ZFAND6: variants seen among roughly 807,000 people sequenced by gnomAD.
ZFAND6 encodes the protein zinc finger AN1-type containing 6.
In ZFAND6, 12 loss-of-function variants were observed where a neutral mutation model predicts 24.5. That is an observed-to-expected ratio of 0.49 (90% confidence interval 0.31 to 0.79). The LOEUF (loss-of-function observed/expected upper bound fraction) is 0.79, where lower values mean the gene tolerates loss of function less well. ZFAND6 is among the 30% of genes least tolerant of loss of function. The probability of loss-of-function intolerance (pLI) is 0.04; values close to 1 mark genes in which losing one functional copy is unlikely to be tolerated. For missense variants in ZFAND6, 207 were observed against 245.9 expected, an observed-to-expected ratio of 0.84 and a Z score of 1.06; for synonymous variants, 92 against 81.5, an observed-to-expected ratio of 1.13 and a Z score of -0.69.
At chr15:80,127,589 CAAAAAAAAA>C (rs55872915) in intron 5 of ZFAND6, among the ~76,000 whole-genome samples, 3 of 120,074 alleles carry the variant, frequency 2.5e-5, no homozygotes, top group African/African-American at 1.1e-4. Flanking sequence ...AACTCCATCT[CAAAAAAAAA>C]AAAAAAAAAA....
intron 1 of ZFAND6, chr15:80,075,119 G>A (rs1455182401): frequency 6.5e-6 from 1 of 152,998 alleles, no homozygotes; most frequent in African/African-American, 2.4e-5. Flanking sequence ...TCAGAGGGAA[G>A]TTTTTTTTGT....
chr15:80,067,420 G>A (rs1271089066), intron 1 of ZFAND6, among the ~76,000 whole-genome samples: 1 of 152,078 alleles, frequency 6.6e-6, no homozygotes, highest in Non-Finnish European at 1.5e-5. Flanking sequence ...CACAAAATAG[G>A]TTAGGTCTTT....
intron 1 of ZFAND6, among the ~76,000 whole-genome samples, chr15:80,090,846 AT>A (rs1440232948): frequency 1.3e-5 from 2 of 152,164 alleles, no homozygotes; most frequent in East Asian, 3.8e-4. Flanking sequence ...GTTTTCAAAT[AT>A]TTTTTATTGG....
At chr15:80,122,428 A>G (rs778407224) in intron 4 of ZFAND6, among the ~76,000 whole-genome samples, 1 of 151,096 alleles carries the variant, frequency 6.6e-6, no homozygotes, top group Non-Finnish European at 1.5e-5. Context: ...GCATGTCTTT[A>G]TCATGCTAGT....
chr15:80,135,461 C>G (rs1260347475), intron 6 of ZFAND6, among the ~76,000 whole-genome samples: 1 of 152,186 alleles, frequency 6.6e-6, no homozygotes, highest in Non-Finnish European at 1.5e-5. Flanking sequence ...GTAGTTGCAG[C>G]TATAGATAGT....
chr15:80,087,174 A>G (rs1011850824), intron 1 of ZFAND6, among the ~76,000 whole-genome samples: 2 of 152,190 alleles, frequency 1.3e-5, no homozygotes, highest in African/African-American at 4.8e-5. Flanking sequence ...GTAGAAACCT[A>G]GGAGTGGAAT....
At chr15:80,102,254 C>T (rs191314845) in intron 2 of ZFAND6, among the ~76,000 whole-genome samples, 252 of 152,132 alleles carry the variant, frequency 1.7e-3, no homozygotes, top group African/African-American at 2.5e-3. Flanking sequence ...GGATTACAGA[C>T]GTGTGCCACC....
chr15:80,131,102 T>C (rs1468988932), intron 5 of ZFAND6, 78 bp from the exon 6 acceptor site: 4 of 1,081,544 alleles, frequency 3.7e-6, no homozygotes, highest in Non-Finnish European at 5.3e-6. Flanking sequence ...CTCTGAATAA[T>C]AGACTAGGGA....
At chr15:80,102,437 G>A (rs935999498) in intron 2 of ZFAND6, among the ~76,000 whole-genome samples, 1 of 152,150 alleles carries the variant, frequency 6.6e-6, no homozygotes, top group Non-Finnish European at 1.5e-5. Context: ...TTGAATAAAG[G>A]TATTGACAGT....
chr15:80,109,675 C>G (rs1361069917), intron 2 of ZFAND6, among the ~76,000 whole-genome samples: 1 of 152,148 alleles, frequency 6.6e-6, no homozygotes, highest in Non-Finnish European at 1.5e-5. Context: ...TGGGAAGCCA[C>G]TGGAAGATTT....
chr15:80,130,521 A>G (rs2040552218), intron 5 of ZFAND6: 1 of 152,216 alleles, frequency 6.6e-6, no homozygotes, highest in Admixed American at 6.5e-5. Flanking sequence ...CATGAGGGCT[A>G]GAGTAGTTAG....
intron 1 of ZFAND6, among the ~76,000 whole-genome samples, chr15:80,093,305 A>G (rs2038504166): frequency 6.6e-6 from 1 of 152,090 alleles, no homozygotes; most frequent in Non-Finnish European, 1.5e-5. Flanking sequence ...TTTGTCTAGA[A>G]AAGGAACTCT....
intron 2 of ZFAND6, among the ~76,000 whole-genome samples, chr15:80,106,520 C>G (rs1324782888): frequency 6.6e-6 from 1 of 151,302 alleles, no homozygotes; most frequent in African/African-American, 2.4e-5. Context: ...TTTGCCAGCC[C>G]TAATCTAGAG....
In ZFAND6 at chr15:80,098,464, T is replaced by G. The variant is rs1248363534; in HGVS notation, c.-132T>G. The G allele has an allele frequency of 6.6e-6, 1 of 152,182 alleles. No homozygotes were observed. The highest frequency in any genetic ancestry group is 1.5e-5 in the Non-Finnish European group (1 of 68,020). The allele number at this position is 152,182 out of a possible 1,614,324, so 9.4% of individuals were successfully genotyped here. A position where few individuals can be genotyped will look rare whatever the true frequency, so the allele number is the denominator to read the frequency against. On this transcript the variant is annotated 5_prime_UTR_variant, in exon 2 of 7. Coordinates refer to ENST00000261749, the MANE Select transcript of ZFAND6 (RefSeq NM_019006.4). Reference sequence around the variant, plus strand: ...GTAAAACACAGAAGGCTTTAAAATGTTTTCTTGCATAAAATTCAAAACTTT... The same window carrying G: ...GTAAAACACAGAAGGCTTTAAAATGGTTTCTTGCATAAAATTCAAAACTTT...
intron 1 of ZFAND6, among the ~76,000 whole-genome samples, chr15:80,066,308 C>T (rs2036628539): frequency 6.7e-6 from 1 of 150,026 alleles, no homozygotes; most frequent in Non-Finnish European, 1.5e-5. Context: ...CTTTCCCAAT[C>T]TATCGAAACA....
At chr15:80,137,371 T>C (rs2040911600) in intron 6 of ZFAND6, 109 bp from the exon 7 acceptor site, 1 of 1,227,348 alleles carries the variant, frequency 8.1e-7, no homozygotes, top group Non-Finnish European at 1.1e-6. Flanking sequence ...AGAATGATTC[T>C]TTAGTTTACA....
intron 2 of ZFAND6, among the ~76,000 whole-genome samples, chr15:80,118,682 T>C (rs1294363213): frequency 1.3e-5 from 2 of 152,210 alleles, no homozygotes; most frequent in East Asian, 3.9e-4. Context: ...CTTGTCATCA[T>C]GGAATAAGAA....
chr15:80,118,641 G>T (rs868782900), intron 2 of ZFAND6, among the ~76,000 whole-genome samples: 1 of 152,120 alleles, frequency 6.6e-6, no homozygotes, highest in South Asian at 2.1e-4. Flanking sequence ...TTTATAAAAA[G>T]AAAGGTGGCA....
At chr15:80,064,659 G>C (rs2036517702) in intron 1 of ZFAND6, among the ~76,000 whole-genome samples, 1 of 151,670 alleles carries the variant, frequency 6.6e-6, no homozygotes, top group Admixed American at 6.6e-5. Context: ...AATGTTTTTT[G>C]AGACACGGTC....
Sources: gnomAD v4.1 joint callset for allele counts (sites outside exome capture counted in the v4.1 genomes callset) on GRCh38, gnomAD v4.1.1 for gene constraint, MANE v1.5 for transcripts, NCBI Gene and HGNC (gene_info 2026-07-23, HGNC 2026-07-21) for gene names.